Variants in P4HA1 observed in about 807,000 individuals in gnomAD.
P4HA1 encodes the protein prolyl 4-hydroxylase subunit alpha-1.
P4HA1 carries 24 observed loss-of-function variants against 72.8 expected under a neutral mutation model. The ratio of observed to expected loss-of-function variants is 0.33; its 90% confidence interval spans 0.24 to 0.46. The LOEUF (loss-of-function observed/expected upper bound fraction) is 0.46, where lower values mean the gene tolerates loss of function less well. Among genes scored for constraint, P4HA1 ranks in the 20% least tolerant of loss-of-function variants. The probability of loss-of-function intolerance (pLI) is 1.00; values close to 1 mark genes in which losing one functional copy is unlikely to be tolerated. For synonymous variants in P4HA1, 201 were observed against 218.8 expected (o/e 0.92, Z 0.72); for missense variants, 446 against 640.6 (o/e 0.70, Z 3.28).
At chr10:73,049,855 T>A (rs1380064870) in intron 7 of P4HA1, among the ~76,000 whole-genome samples, 1 of 152,120 alleles carries the variant, frequency 6.6e-6, no homozygotes, top group Non-Finnish European at 1.5e-5. Flanking sequence ...AGAGTAGTGT[T>A]ATTGTCTCTA....
intron 9 of P4HA1, among the ~76,000 whole-genome samples, chr10:73,033,432 T>A (rs939911023): frequency 6.6e-6 from 1 of 152,234 alleles, no homozygotes; most frequent in African/African-American, 2.4e-5. Context: ...TTTCTATCTA[T>A]GCTTTTGATT....
At chr10:73,043,625 A>G (rs893905315) in intron 9 of P4HA1, among the ~76,000 whole-genome samples, 2 of 152,230 alleles carry the variant, frequency 1.3e-5, no homozygotes, top group Non-Finnish European at 2.9e-5. Flanking sequence ...CTCTTAGTTC[A>G]ATATGAGAAC....
intron 1 of P4HA1, among the ~76,000 whole-genome samples, chr10:73,087,097 C>G (rs1841938757): frequency 6.6e-6 from 1 of 152,028 alleles, no homozygotes; most frequent in African/African-American, 2.4e-5. Flanking sequence ...ATTTGCCCTT[C>G]CAACAGCAAA....
intron 10 of P4HA1, among the ~76,000 whole-genome samples, chr10:73,026,283 G>A (rs578113759): frequency 5.3e-5 from 8 of 152,170 alleles, no homozygotes; most frequent in South Asian, 2.1e-4. Flanking sequence ...ACAGAACAGA[G>A]GCCTCAGAAA....
At position 73,045,025 on chromosome 10, in the gene P4HA1, T is replaced by G. The variant is rs1430664002; in HGVS notation, c.1104A>C (p.Pro368=). The G allele has an allele frequency of 1.2e-6, 2 of 1,613,754 alleles. No homozygotes were observed. The highest frequency in any genetic ancestry group is 1.3e-5 in the African/African-American group (1 of 75,030). ...PRLRRATISN[P]ITGDLETVHY... Reference sequence around the variant, plus strand: ...GTACCGTCTCCAAGTCTCCTGTTATTGGGTTTGAAATGGTGGCTCGCCTCA... The same window carrying G: ...GTACCGTCTCCAAGTCTCCTGTTATGGGGTTTGAAATGGTGGCTCGCCTCA... The change falls in exon 9 of 15, where the codon CCA becomes CCC. Residue 368 remains proline (P), a synonymous_variant. Coordinates refer to ENST00000394890, the MANE Select transcript of P4HA1 (RefSeq NM_001017962.3).
intron 3 of P4HA1, 143 bp from the exon 4 acceptor site, chr10:73,072,323 C>A: frequency 1.6e-6 from 1 of 612,382 alleles, no homozygotes; most frequent in Non-Finnish European, 2.8e-6. Context: ...AGTATACGGT[C>A]TCGGTCTCTT....
At chr10:73,041,406 C>T (rs1840729885) in intron 9 of P4HA1, among the ~76,000 whole-genome samples, 1 of 151,848 alleles carries the variant, frequency 6.6e-6, no homozygotes, top group Non-Finnish European at 1.5e-5. Context: ...AGCCGGGCAG[C>T]AGCGGGCGCC....
At chr10:73,089,471 A>G (rs1429616050) in intron 1 of P4HA1, among the ~76,000 whole-genome samples, 1 of 152,194 alleles carries the variant, frequency 6.6e-6, no homozygotes, top group Non-Finnish European at 1.5e-5. Context: ...CCTAGGCATT[A>G]ATATAAGAGA....
intron 1 of P4HA1, among the ~76,000 whole-genome samples, chr10:73,093,341 T>C (rs1842077088): frequency 6.6e-6 from 1 of 152,048 alleles, no homozygotes; most frequent in Admixed American, 6.6e-5. Context: ...ATACTAACAG[T>C]CATACTGATC....
intron 10 of P4HA1, among the ~76,000 whole-genome samples, chr10:73,020,024 A>T (rs1186987477): frequency 1.3e-5 from 2 of 152,094 alleles, no homozygotes; most frequent in Non-Finnish European, 2.9e-5. Flanking sequence ...GGAAGAGATA[A>T]GGGTATCCAA....
intron 5 of P4HA1, chr10:73,065,293 GAACA>G (rs779443240): frequency 1.3e-5 from 2 of 152,042 alleles, no homozygotes; most frequent in Non-Finnish European, 2.9e-5. Flanking sequence ...TCAGGGTTGG[GAACA>G]AACAATCTGA....
chr10:73,033,031 A>C (rs1840473232), intron 9 of P4HA1, among the ~76,000 whole-genome samples: 1 of 151,594 alleles, frequency 6.6e-6, no homozygotes, highest in Non-Finnish European at 1.5e-5. Context: ...GTTGTAAAGA[A>C]TATAGCTGAT....
chr10:73,062,425 A>C (rs1841333106), intron 5 of P4HA1, among the ~76,000 whole-genome samples: 1 of 152,168 alleles, frequency 6.6e-6, no homozygotes, highest in Admixed American at 6.5e-5. Context: ...ACACAAGAAA[A>C]TATGACTTCT....
chr10:73,090,427 C>A (rs1181049751), intron 1 of P4HA1, among the ~76,000 whole-genome samples: 8 of 152,184 alleles, frequency 5.3e-5, no homozygotes, highest in African/African-American at 1.9e-4. Context: ...AGCCACTGTG[C>A]CTGACCTTGA....
intron 12 of P4HA1, 53 bp downstream of exon 12, chr10:73,014,171 T>C: frequency 8.5e-7 from 1 of 1,179,528 alleles, no homozygotes; most frequent in East Asian, 2.3e-5. Flanking sequence ...AACATTAAAA[T>C]GAATCTTGTC....
At chr10:73,079,036 A>C (rs1213018690) in intron 1 of P4HA1, among the ~76,000 whole-genome samples, 6 of 152,254 alleles carry the variant, frequency 3.9e-5, no homozygotes, top group Non-Finnish European at 8.8e-5. Flanking sequence ...AAGATACCCT[A>C]AACTTTTAAA....
chr10:73,055,392 C>T (rs867829541), intron 5 of P4HA1, among the ~76,000 whole-genome samples: 1 of 152,134 alleles, frequency 6.6e-6, no homozygotes, highest in Non-Finnish European at 1.5e-5. Flanking sequence ...TTAGTCAAGA[C>T]GGGGTTTCAC....
intron 7 of P4HA1, among the ~76,000 whole-genome samples, chr10:73,049,783 C>G (rs989800822): frequency 2.2e-4 from 34 of 152,152 alleles, no homozygotes; most frequent in Non-Finnish European, 4.7e-4. Flanking sequence ...TGAAGATTAA[C>G]TAGGAGCAAA....
chr10:73,080,472 C>T (rs1841797688), intron 1 of P4HA1, among the ~76,000 whole-genome samples: 1 of 152,230 alleles, frequency 6.6e-6, no homozygotes, highest in South Asian at 2.1e-4. Flanking sequence ...ATAGATTTTA[C>T]TTCAATTTAT....
Sources: gnomAD v4.1 joint callset for allele counts (sites outside exome capture counted in the v4.1 genomes callset) on GRCh38, gnomAD v4.1.1 for gene constraint, MANE v1.5 for transcripts, NCBI Gene and HGNC (gene_info 2026-07-23, HGNC 2026-07-21) for gene names.